The following CCDC125 variants were observed in gnomAD, a reference collection of about 807,000 sequenced individuals.
CCDC125 encodes coiled-coil domain containing 125.
Under a neutral mutation model 57.4 loss-of-function variants are expected in CCDC125, and 43 were observed. The ratio of observed to expected loss-of-function variants is 0.75; its 90% CI spans 0.59 to 0.97. CCDC125 has a LOEUF of 0.97. Ranked by LOEUF, CCDC125 falls within the 50% of genes least tolerant of loss-of-function variation. CCDC125 has a pLI of 0.00. For missense variants in CCDC125, 563 were observed against 595.7 expected (o/e 0.95, Z 0.57); for synonymous variants, 187 against 195.2 (o/e 0.96, Z 0.35).
intron 6 of CCDC125, among the ~76,000 whole-genome samples, chr5:69,304,957 T>C (rs893594068): frequency 6.6e-6 from 1 of 151,866 alleles, no homozygotes; most frequent in South Asian, 2.1e-4. Flanking sequence ...GTGGGGGATG[T>C]TGTCAGTGGG....
chr5:69,303,483 G>A lies in CCDC125; in HGVS notation c.700+364C>T, dbSNP rs1324343363. Among the ~76,000 whole-genome samples, 3 of 148,200 alleles carry A rather than the reference G, an allele frequency of 2.0e-5. No individual in the cohort carries two copies. In the Admixed American group the frequency reaches 2.1e-4, roughly 10 times the overall value. ...GAGTAAAAGCGATTCACCTGCCTCAGCCTCCTGAGTAGCTGGGACTACAGG... is the reference window on the plus strand; with the variant it reads ...GAGTAAAAGCGATTCACCTGCCTCAACCTCCTGAGTAGCTGGGACTACAGG... On this transcript the variant is annotated intron_variant, in intron 7 of 11. Transcript: ENST00000396496.
At chr5:69,279,788 C>T (rs1195337754), downstream of CCDC125, among the ~76,000 whole-genome samples, 6 of 152,090 alleles carry the variant, frequency 3.9e-5, no homozygotes, top group South Asian at 2.1e-4. Context: ...GTGTCTAACA[C>T]GTGAGGCAGG....
chr5:69,318,627 C>T (rs1013101289), intron 2 of CCDC125, among the ~76,000 whole-genome samples: 1 of 150,978 alleles, frequency 6.6e-6, no homozygotes, highest in Non-Finnish European at 1.5e-5. Flanking sequence ...GGGGCGGGCA[C>T]CTGTAATCCC....
At chr5:69,331,843 T>C (rs1373213705) in intron 1 of CCDC125, among the ~76,000 whole-genome samples, 1 of 152,242 alleles carries the variant, frequency 6.6e-6, no homozygotes, top group Admixed American at 6.5e-5. Flanking sequence ...ATGTGATTTC[T>C]TCCACATCTG....
At chr5:69,284,224 CAT>C (rs1482651080) in intron 11 of CCDC125, among the ~76,000 whole-genome samples, 10 of 151,672 alleles carry the variant, frequency 6.6e-5, no homozygotes, top group South Asian at 2.1e-4. Flanking sequence ...ATAATATCAA[CAT>C]ATAAAAAATA....
chr5:69,285,022 G>A (rs1217769968), intron 11 of CCDC125, among the ~76,000 whole-genome samples: 5 of 151,968 alleles, frequency 3.3e-5, no homozygotes, highest in Non-Finnish European at 5.9e-5. Flanking sequence ...GCTTGAACCC[G>A]GGAGGTGGAG....
chr5:69,286,037 C>T (rs1244573344), intron 10 of CCDC125, among the ~76,000 whole-genome samples: 2 of 151,254 alleles, frequency 1.3e-5, no homozygotes, highest in Non-Finnish European at 1.5e-5. Context: ...ATAAATCACA[C>T]GGGCTGGAGA....
At chr5:69,285,544 GA>G in intron 10 of CCDC125, 77 bp from the exon 11 acceptor site, 2 of 1,420,228 alleles carry the variant, frequency 1.4e-6, no homozygotes, top group Non-Finnish European at 1.9e-6. Context: ...GAGGTAACTT[GA>G]TCTCTAGGAC....
intron 3 of CCDC125, among the ~76,000 whole-genome samples, chr5:69,312,871 A>G (rs1045451086): frequency 6.6e-6 from 1 of 151,816 alleles, no homozygotes; most frequent in African/African-American, 2.4e-5. Context: ...TTTTTTTTGT[A>G]ATCGAAAGTC....
Position 69,294,686 on chromosome 5 carries a change from T to C in CCDC125, c.924+107A>G, listed in dbSNP as rs1221741792. 13 of 828,990 alleles carry C rather than the reference T, an allele frequency of 1.6e-5. 1 individual carries two copies. In the Middle Eastern group the frequency reaches 7.8e-4, roughly 50 times the overall value. 51.4% of individuals were successfully genotyped at this position (828,990 alleles called of 1,614,324 possible). On this transcript the variant is annotated intron_variant, in intron 9 of 11. Transcript: ENST00000396496. ...ACATAAAAACTAAGCATAAGTTCCA[T>C]AGGCAATAACTACTAAAATGAAGTT...
chr5:69,319,987 G>A (rs932586281), intron 2 of CCDC125, among the ~76,000 whole-genome samples: 3 of 151,946 alleles, frequency 2.0e-5, no homozygotes, highest in African/African-American at 7.2e-5. Context: ...CAGGTGTAGT[G>A]GTGCATGCCT....
intron 8 of CCDC125, among the ~76,000 whole-genome samples, 166 bp downstream of exon 8, chr5:69,299,846 A>C (rs1756082055): frequency 6.6e-6 from 1 of 152,214 alleles, no homozygotes; most frequent in Non-Finnish European, 1.5e-5. Context: ...AAGGGCATGG[A>C]ACCAGCAGAA....
At chr5:69,300,269 G>T (rs1325105314) in intron 7 of CCDC125, 142 bp from the exon 8 acceptor site, 3 of 645,344 alleles carry the variant, frequency 4.6e-6, no homozygotes, top group Non-Finnish European at 5.6e-6. Flanking sequence ...AAACCTATCT[G>T]ATAGAATAGT....
intron 10 of CCDC125, among the ~76,000 whole-genome samples, chr5:69,289,362 C>T (rs1404399417): frequency 2.6e-5 from 4 of 152,188 alleles, no homozygotes; most frequent in Non-Finnish European, 4.4e-5. Flanking sequence ...AGATTATCTA[C>T]ACATAGCTGT....
At chr5:69,301,390 T>G (rs1580081158) in intron 7 of CCDC125, among the ~76,000 whole-genome samples, 1 of 152,170 alleles carries the variant, frequency 6.6e-6, no homozygotes, top group East Asian at 1.9e-4. Flanking sequence ...TCCCAGCACT[T>G]TTGGAGGCCA....
At chr5:69,286,488 C>T (rs6867381) in intron 10 of CCDC125, among the ~76,000 whole-genome samples, 1 of 151,624 alleles carries the variant, frequency 6.6e-6, no homozygotes, top group African/African-American at 2.4e-5. Flanking sequence ...CCCTCTTGGC[C>T]TCCCAAAATG....
chr5:69,296,815 T>C (rs1169174830), intron 8 of CCDC125, among the ~76,000 whole-genome samples: 3 of 151,234 alleles, frequency 2.0e-5, no homozygotes, highest in African/African-American at 7.3e-5. Flanking sequence ...AATATAAAAA[T>C]TAGCTGGGCA....
At chr5:69,273,801 C>T in the CCDC125 span, among the ~76,000 whole-genome samples, 1 of 152,076 alleles carries the variant, frequency 6.6e-6, no homozygotes, top group Non-Finnish European at 1.5e-5. Context: ...AGGTTTGTTC[C>T]AGGCTACAAA....
At chr5:69,315,456 AAAAAAC>A in intron 2 of CCDC125, among the ~76,000 whole-genome samples, 1 of 9,314 alleles carries the variant, frequency 1.1e-4, no homozygotes, top group Non-Finnish European at 6.2e-4. Context: ...AAAACAAAAA[AAAAAAC>A]AAAAAAAAAA....
Sources: allele counts gnomAD v4.1 joint callset (sites outside exome capture counted in the v4.1 genomes callset), GRCh38; gene constraint gnomAD v4.1.1; transcripts MANE v1.5; gene names NCBI Gene and HGNC (gene_info 2026-07-23, HGNC 2026-07-21).